The following PTPRU variants were observed in gnomAD, a reference collection of about 807,000 sequenced individuals.
The protein encoded by PTPRU is protein tyrosine phosphatase receptor type U.
In PTPRU, 69 loss-of-function variants were observed where a neutral mutation model predicts 166.3. The observed-to-expected ratio is 0.41, with a 90% CI of 0.34 to 0.51. PTPRU has a LOEUF of 0.51. Ranked by LOEUF, PTPRU falls within the 20% of genes least tolerant of loss-of-function variation. PTPRU has a pLI of 0.09. For synonymous variants in PTPRU, 793 were observed against 814.0 expected (o/e 0.97, Z 0.44); for missense variants, 1,657 against 2,013.7 (o/e 0.82, Z 3.39).
chr1:29,257,512 G>A lies in PTPRU; in HGVS notation c.206-993G>A, dbSNP rs112997698. Among the ~76,000 whole-genome samples, 8 of 152,168 alleles carry A rather than the reference G, an allele frequency of 5.3e-5. No individual in the cohort carries two copies. Among genetic ancestry groups the A allele is most frequent in the Non-Finnish European group, 1.2e-4 (8 of 68,026 alleles). ...CCCTTTGGGAAGCCCAAATCCCCCC[G>A]CCAGGTCCTGAGCCAGCCTAGTCCA... On this transcript the variant is annotated intron_variant, in intron 2 of 29. Transcript: ENST00000373779. This position sits in a 1 kb window ranked among gnomAD's most constrained non-coding sequence, Gnocchi z 4.6.
chr1:29,284,032 G>A (rs568949856), intron 13 of PTPRU, 56 bp downstream of exon 13: 24 of 1,603,160 alleles, frequency 1.5e-5, no homozygotes, highest in Middle Eastern at 2.1e-4. Flanking sequence ...CCTGCCCAGC[G>A]CTGGGGAGGT....
At position 29,320,871 on chromosome 1, in the gene PTPRU, C is replaced by A; in HGVS notation, c.3828+46C>A. ...GCCAATGGGCCGCCTGCTCCCAGGT[C>A]CTCTGTGTATTCAGGGCCATGGTCC... On this transcript the variant is annotated intron_variant, in intron 26 of 29. Transcript: ENST00000373779. This position sits in a 1 kb window ranked among gnomAD's most constrained non-coding sequence, Gnocchi z 5.2. 6.7e-7 allele frequency: 1 copy of A among 1,496,418 alleles called. No homozygotes were observed. Among genetic ancestry groups the A allele is most frequent in the Non-Finnish European group, 9.0e-7 (1 of 1,114,446 alleles). The allele number at this position is 1,496,418 out of a possible 1,614,324, so 92.7% of individuals were successfully genotyped here.
At chr1:29,256,140 A>C (rs1372764804) in intron 2 of PTPRU, among the ~76,000 whole-genome samples, 1 of 152,162 alleles carries the variant, frequency 6.6e-6, no homozygotes, top group Non-Finnish European at 1.5e-5. Context: ...TCCATTTCAG[A>C]GGGTCATGAG....
intron 26 of PTPRU, among the ~76,000 whole-genome samples, chr1:29,322,273 T>A (rs1259906461): frequency 6.6e-6 from 1 of 152,000 alleles, no homozygotes; most frequent in Non-Finnish European, 1.5e-5. Flanking sequence ...CTCCCTGCAG[T>A]GGGCAGGGAG....
chr1:29,311,201 C>T lies in PTPRU; in HGVS notation c.2858-255C>T. On this transcript the variant is annotated intron_variant, in intron 19 of 29. Coordinates refer to ENST00000373779, the MANE Select transcript of PTPRU (RefSeq NM_133178.4). The surrounding 1 kb of genome is among the most constrained non-coding windows in gnomAD (Gnocchi z 4.1). ...CCTCCTGGACACTCATGCCATTGCC[C>T]AACCATCTGGTCCTCCTCCAGGGTC... 1 of 587,974 alleles carries T rather than the reference C, an allele frequency of 1.7e-6. No homozygotes were observed. Among genetic ancestry groups the T allele is most frequent in the Non-Finnish European group, 3.0e-6 (1 of 329,468 alleles). 36.4% of individuals were successfully genotyped at this position (587,974 alleles called of 1,614,324 possible). A position where few individuals can be genotyped will look rare whatever the true frequency, so the allele number is the denominator to read the frequency against.
intron 7 of PTPRU, among the ~76,000 whole-genome samples, chr1:29,272,906 CAAAAAAAAAA>C (rs57076551): frequency 1.8e-5 from 1 of 54,666 alleles, no homozygotes; most frequent in Non-Finnish European, 3.8e-5. Flanking sequence ...GACCTTGTCT[CAAAAAAAAAA>C]AAAAAAAAAA....
chr1:29,319,789 G>C lies in PTPRU; in HGVS notation c.3688-896G>C, dbSNP rs145233472. Among the ~76,000 whole-genome samples the C allele has an allele frequency of 8.6e-3, 1,303 of 152,214 alleles. 22 individuals carry two copies. The highest frequency in any genetic ancestry group is 0.03 in the African/African-American group (1,238 of 41,508). On this transcript the variant is annotated intron_variant, in intron 25 of 29. Transcript: ENST00000373779. ...ACCAGGGTCATGGGAGCTTGTGCCA[G>C]CCCCTAGGTCAGGAGGAAGACTGGG...
chr1:29,275,846 T>TC, intron 8 of PTPRU, 90 bp downstream of exon 8: 1 of 1,428,370 alleles, frequency 7.0e-7, no homozygotes, highest in Non-Finnish European at 9.4e-7. Context: ...GGTATTTTTT[T>TC]CTTTTTTTTG....
At chr1:29,293,302 A>C (rs186764808) in intron 15 of PTPRU, among the ~76,000 whole-genome samples, 1 of 151,592 alleles carries the variant, frequency 6.6e-6, no homozygotes, top group Non-Finnish European at 1.5e-5. Context: ...TAGTAGAGAC[A>C]GGGTTTCACC....
At chr1:29,274,476 C>T (rs2151950698) in intron 7 of PTPRU, among the ~76,000 whole-genome samples, 1 of 152,304 alleles carries the variant, frequency 6.6e-6, no homozygotes, top group Non-Finnish European at 1.5e-5. Context: ...AGGGAACCCA[C>T]CACTGAATTT....
At chr1:29,269,612 C>T (rs1470803478) in intron 7 of PTPRU, among the ~76,000 whole-genome samples, 3 of 152,076 alleles carry the variant, frequency 2.0e-5, no homozygotes, top group African/African-American at 7.2e-5. Context: ...TGCTTAGGCG[C>T]GTTGGCCGGC....
At chr1:29,304,871 G>A in intron 17 of PTPRU, 22 bp downstream of exon 17, 1 of 1,597,218 alleles carries the variant, frequency 6.3e-7, no homozygotes, top group Non-Finnish European at 8.6e-7. Flanking sequence ...GGAAGGGCCT[G>A]GGGTCCAGGG....
intron 1 of PTPRU, among the ~76,000 whole-genome samples, chr1:29,246,266 G>A (rs552280842): frequency 1.3e-5 from 2 of 152,220 alleles, no homozygotes; most frequent in Non-Finnish European, 2.9e-5. Flanking sequence ...GGCCTTTCAC[G>A]CTCCTACCAC....
In PTPRU at chr1:29,257,434, G is replaced by A. The variant is rs1684821199; in HGVS notation, c.206-1071G>A. On this transcript the variant is annotated intron_variant, in intron 2 of 29. Transcript: ENST00000373779. This position sits in a 1 kb window ranked among gnomAD's most constrained non-coding sequence, Gnocchi z 4.6. ...CTGGAGCGGGGATCTGAGTGAGCTTGTGTTGGCTGGCAGCCAAGCCCGGGA... is the reference window on the plus strand; with the variant it reads ...CTGGAGCGGGGATCTGAGTGAGCTTATGTTGGCTGGCAGCCAAGCCCGGGA... Among the ~76,000 whole-genome samples the A allele has an allele frequency of 6.6e-6, 1 of 152,192 alleles. No individual in the cohort carries two copies. The highest frequency in any genetic ancestry group is 2.4e-5 in the African/African-American group (1 of 41,446).
At chr1:29,264,556 A>G (rs1489016956) in intron 7 of PTPRU, among the ~76,000 whole-genome samples, 1 of 150,140 alleles carries the variant, frequency 6.7e-6, no homozygotes, top group Non-Finnish European at 1.5e-5. Flanking sequence ...CCCAGGCTGG[A>G]GTGCAATGGC....
intron 1 of PTPRU, among the ~76,000 whole-genome samples, chr1:29,253,743 C>G (rs201361733): frequency 6.6e-6 from 1 of 151,948 alleles, no homozygotes; most frequent in Non-Finnish European, 1.5e-5. Context: ...CTTCTGGTAT[C>G]GAAACCTCTT....
intron 8 of PTPRU, among the ~76,000 whole-genome samples, chr1:29,278,513 C>T (rs1267190077): frequency 6.6e-6 from 1 of 152,172 alleles, no homozygotes; most frequent in Non-Finnish European, 1.5e-5. Flanking sequence ...TTGTAGATGC[C>T]ATTAATTTTC....
chr1:29,260,002 C>G lies in PTPRU; in HGVS notation c.808C>G (p.Arg270Gly). The G allele has an allele frequency of 6.7e-7, 1 of 1,497,186 alleles. No individual in the cohort carries two copies. The highest frequency in any genetic ancestry group is 8.8e-7 in the Non-Finnish European group (1 of 1,131,528). 92.7% of individuals were successfully genotyped at this position (1,497,186 alleles called of 1,614,324 possible). ...DLYRCVSQAP[R>G]GAGVSNFAEL... is the part of the protein sequence containing the mutation. ...GTACCGCTGTGTGTCCCAGGCCCCGCGCGGCGCGGGCGTCTCTAACTTCGC... is the reference window on the plus strand; with the variant it reads ...GTACCGCTGTGTGTCCCAGGCCCCGGGCGGCGCGGGCGTCTCTAACTTCGC... The change falls in exon 6 of 30, where the codon CGC (arginine) becomes GGC (glycine). Residue 270 changes from arginine (R) to glycine (G), a missense_variant. Arg to Gly is a moderately radical substitution (Grantham distance 125). Transcript: ENST00000373779. This position sits in a 1 kb window ranked among gnomAD's most constrained non-coding sequence, Gnocchi z 8.3.
Position 29,317,713 on chromosome 1 carries a change from A to G in PTPRU, c.3514-35A>G. ...TGTGAGGAGGCCCAGCAAGCCCTGG[A>G]CGTAACTCTCTGTCCCCACCCCCGC... On this transcript the variant is annotated intron_variant, in intron 24 of 29. Coordinates refer to ENST00000373779, the MANE Select transcript of PTPRU (RefSeq NM_133178.4). This position sits in a 1 kb window ranked among gnomAD's most constrained non-coding sequence, Gnocchi z 5.6. The G allele has an allele frequency of 6.4e-7, 1 of 1,571,680 alleles. No individual in the cohort carries two copies. The highest frequency in any genetic ancestry group is 1.2e-5 in the South Asian group (1 of 86,460).
Sources: gnomAD v4.1 joint callset for allele counts (sites outside exome capture counted in the v4.1 genomes callset) on GRCh38, gnomAD v4.1.1 for gene constraint, Gnocchi (gnomAD v3.1) non-coding constraint, MANE v1.5 for transcripts, NCBI Gene and HGNC (gene_info 2026-07-23, HGNC 2026-07-21) for gene names.